Variants in JARID2 observed in about 807,000 individuals in gnomAD.
JARID2 encodes the protein jumonji and AT-rich interaction domain containing 2, also known as protein Jumonji.
A neutral mutation model predicts 125.6 loss-of-function variants in JARID2; 21 were observed. The observed-to-expected ratio is 0.17, with a 90% CI of 0.12 to 0.24. JARID2 has a LOEUF of 0.24. Ranked by LOEUF, JARID2 falls within the 10% of genes least tolerant of loss-of-function variation. The pLI is 1.00. For synonymous variants in JARID2, 736 were observed against 661.6 expected (o/e 1.11, Z -1.73); for missense variants, 1,303 against 1,639.6 (o/e 0.79, Z 3.55).
chr6:15,487,046 T>C lies in JARID2; in HGVS notation c.671-261T>C, dbSNP rs149362092. ...AAGGGGAAGCAAAGCACTTCTTATATGGCAGCAGGAAAGGTAGAGCGTGAG... is the reference window on the plus strand; with the variant it reads ...AAGGGGAAGCAAAGCACTTCTTATACGGCAGCAGGAAAGGTAGAGCGTGAG... On this transcript the variant is annotated intron_variant, in intron 5 of 17. Transcript: ENST00000341776. Among the ~76,000 whole-genome samples the C allele has an allele frequency of 3.3e-5, 5 of 152,190 alleles. No individual in the cohort carries two copies. The East Asian group carries it at 9.7e-4, about 29-fold the overall frequency.
intron 1 of JARID2, among the ~76,000 whole-genome samples, chr6:15,337,669 C>T (rs915930880): frequency 2.0e-5 from 3 of 152,228 alleles, no homozygotes; most frequent in African/African-American, 7.2e-5. Context: ...CTCCCCCCAC[C>T]CCCCTGAATT....
chr6:15,388,761 A>G (rs1046787944), intron 2 of JARID2, among the ~76,000 whole-genome samples: 2 of 151,956 alleles, frequency 1.3e-5, no homozygotes, highest in African/African-American at 4.8e-5. Context: ...ATGGTAACTT[A>G]TGCCCCGCAT....
chr6:15,452,908 G>T (rs1305993807), intron 4 of JARID2, among the ~76,000 whole-genome samples: 1 of 152,176 alleles, frequency 6.6e-6, no homozygotes, highest in Non-Finnish European at 1.5e-5. Flanking sequence ...CTTGGGTGAG[G>T]TTATTTGAGA....
intron 3 of JARID2, among the ~76,000 whole-genome samples, chr6:15,432,285 A>G (rs1266086649): frequency 1.3e-5 from 2 of 152,048 alleles, no homozygotes. Context: ...AAAATTAGTC[A>G]GGCATGGTGG....
chr6:15,275,929 G>A (rs1760485229), intron 1 of JARID2, among the ~76,000 whole-genome samples: 1 of 152,114 alleles, frequency 6.6e-6, no homozygotes, highest in Non-Finnish European at 1.5e-5. Context: ...TTTCTCAGAA[G>A]GGGGAAAAAA....
chr6:15,319,303 T>G (rs1405834999), intron 1 of JARID2, among the ~76,000 whole-genome samples: 1 of 152,068 alleles, frequency 6.6e-6, no homozygotes, highest in African/African-American at 2.4e-5. Context: ...TTTAAAAGAG[T>G]TGCTCTGACA....
chr6:15,322,330 C>T (rs1166769638), intron 1 of JARID2, among the ~76,000 whole-genome samples: 1 of 152,226 alleles, frequency 6.6e-6, no homozygotes, highest in Admixed American at 6.5e-5. Context: ...CATGGTGACA[C>T]ACTCCTGTAG....
intron 3 of JARID2, among the ~76,000 whole-genome samples, chr6:15,437,142 G>A (rs1767242281): frequency 1.3e-5 from 2 of 152,172 alleles, no homozygotes; most frequent in Admixed American, 6.5e-5. Context: ...TTTGGTGAAT[G>A]ATTGAGTTCC....
chr6:15,274,632 C>T (rs1488338845), intron 1 of JARID2, among the ~76,000 whole-genome samples: 2 of 152,098 alleles, frequency 1.3e-5, no homozygotes, highest in African/African-American at 4.8e-5. Flanking sequence ...TGGGAGATTT[C>T]AGACCTCGAC....
chr6:15,402,376 C>T (rs1256884115), intron 2 of JARID2, among the ~76,000 whole-genome samples: 1 of 152,188 alleles, frequency 6.6e-6, no homozygotes, highest in African/African-American at 2.4e-5. Context: ...TAAGTACATA[C>T]ACACTTGTAA....
chr6:15,359,659 A>G (rs1763724015), intron 1 of JARID2, among the ~76,000 whole-genome samples: 1 of 151,122 alleles, frequency 6.6e-6, no homozygotes, highest in Non-Finnish European at 1.5e-5. Context: ...GTTGATTATA[A>G]CCTCAGCGGG....
intron 3 of JARID2, among the ~76,000 whole-genome samples, chr6:15,432,103 A>C (rs1766989725): frequency 6.8e-6 from 1 of 148,060 alleles, no homozygotes; most frequent in Non-Finnish European, 1.5e-5. Flanking sequence ...AAAGCAATGA[A>C]AAAAAAAAAA....
At chr6:15,361,525 G>T (rs1019730436) in intron 1 of JARID2, among the ~76,000 whole-genome samples, 4 of 152,126 alleles carry the variant, frequency 2.6e-5, no homozygotes, top group Non-Finnish European at 5.9e-5. Context: ...CAAACTGTAA[G>T]GATAGGAAGA....
intron 2 of JARID2, among the ~76,000 whole-genome samples, chr6:15,407,109 A>G (rs1057345026): frequency 1.3e-5 from 2 of 152,102 alleles, no homozygotes; most frequent in African/African-American, 4.8e-5. Context: ...AAAAAAGAAA[A>G]AAATTAGTGG....
intron 4 of JARID2, among the ~76,000 whole-genome samples, chr6:15,455,869 G>A (rs926676100): frequency 3.5e-4 from 53 of 152,296 alleles, no homozygotes; most frequent in African/African-American, 1.2e-3. Flanking sequence ...TAACTAGTTT[G>A]GCTACTTTTG....
At chr6:15,507,282 C>G in intron 10 of JARID2, 28 bp downstream of exon 10, 1 of 1,601,130 alleles carries the variant, frequency 6.2e-7, no homozygotes, top group Non-Finnish European at 8.6e-7. Context: ...CGTCCAGGTT[C>G]TTGGGGATGT....
chr6:15,490,320 A>G (rs11964846), intron 6 of JARID2, among the ~76,000 whole-genome samples: 37,829 of 151,852 alleles, frequency 0.25, 4,814 homozygotes, highest in Middle Eastern at 0.36. Flanking sequence ...AATGTGGAGG[A>G]ATGTAATTTT....
intron 1 of JARID2, among the ~76,000 whole-genome samples, chr6:15,362,434 A>G (rs1261730821): frequency 6.6e-6 from 1 of 152,210 alleles, no homozygotes; most frequent in East Asian, 1.9e-4. Flanking sequence ...AGGCAACTCT[A>G]TTTACCGTAG....
In JARID2 at chr6:15,292,412, GTTTTC is replaced by G. The variant is rs1488753352; in HGVS notation, c.45+45832_45+45836del. On this transcript the variant is annotated intron_variant, in intron 1 of 17. Transcript: ENST00000341776. ...TCTATACAGTGAATGTACAACTGCA[GTTTTC>G]TTTAACTATTACACAATGTTTAAAG... 7.2e-5 allele frequency among the ~76,000 whole-genome samples: 11 copies of G among 152,208 alleles called. No individual in the cohort carries two copies. The East Asian group carries it at 2.1e-3, about 29-fold the overall frequency.
Sources: gnomAD v4.1 joint callset for allele counts (sites outside exome capture counted in the v4.1 genomes callset) on GRCh38, gnomAD v4.1.1 for gene constraint, MANE v1.5 for transcripts, NCBI Gene and HGNC (gene_info 2026-07-23, HGNC 2026-07-21) for gene names.